Variants in CCZ1 observed in about 807,000 individuals in gnomAD.
CCZ1 encodes the protein vacuolar fusion protein CCZ1 homolog.
A neutral mutation model predicts 57.8 loss-of-function variants in CCZ1; 19 were observed. The observed-to-expected ratio is 0.33, with a 90% confidence interval of 0.23 to 0.48. CCZ1 has a LOEUF of 0.48. Among genes scored for constraint, CCZ1 ranks in the 20% least tolerant of loss-of-function variants. The pLI, the probability that CCZ1 is intolerant of heterozygous loss-of-function variation, is 0.99. For missense variants in CCZ1, 200 were observed against 492.0 expected (o/e 0.41, Z 5.61); for synonymous variants, 81 against 167.0 (o/e 0.49, Z 3.97).
chr7:5,907,919 A>G (rs559567725), intron 7 of CCZ1, among the ~76,000 whole-genome samples: 2 of 100,398 alleles, frequency 2.0e-5, no homozygotes, highest in East Asian at 9.4e-4. Context: ...CAGCATAGTG[A>G]GACTGTATCT....
Position 5,924,646 on chromosome 7 carries a change from A to G in CCZ1, c.1393+684A>G, listed in dbSNP as rs1779324055. The G allele has an allele frequency of 1.5e-5, 2 of 133,196 alleles. 1 individual carries two copies. Among genetic ancestry groups the G allele is most frequent in the South Asian group, 4.5e-4 (2 of 4,438 alleles). 8.3% of individuals were successfully genotyped at this position (133,196 alleles called of 1,614,324 possible). ...CCTCTGTACACAGGCAGAAGGAGGC[A>G]GACATTTTCTCCTGCCTTCCCGCCA... On this transcript the variant is annotated intron_variant, in intron 14 of 14. Coordinates refer to ENST00000325974, the MANE Select transcript of CCZ1 (RefSeq NM_015622.6).
intron 8 of CCZ1, 152 bp from the exon 9 acceptor site, chr7:5,911,709 C>G: frequency 7.5e-7 from 1 of 1,333,748 alleles, no homozygotes; most frequent in Non-Finnish European, 1.0e-6. Flanking sequence ...TCATGCTGCA[C>G]GCATTCCAGC....
Position 5,910,102 on chromosome 7 carries a change from C to T in CCZ1, c.766C>T (p.His256Tyr), listed in dbSNP as rs1372644241. ...KYLTTSLFPR[H>Y]IEPELAGRDS... ...CCTTACCACCTCCCTTTTTCCAAGG[C>T]ACATCGAACCTGAGGTATGATGGGT... The change falls in exon 8 of 15, where the codon CAC (histidine) becomes TAC (tyrosine). Residue 256 changes from histidine to tyrosine, a missense_variant. Coordinates refer to ENST00000325974, the MANE Select transcript of CCZ1 (RefSeq NM_015622.6). The T allele has an allele frequency of 6.4e-7, 1 of 1,568,768 alleles. No individual in the cohort carries two copies.
In CCZ1 at chr7:5,910,406, G is replaced by T. The variant is rs142342868; in HGVS notation, c.780+290G>T. On this transcript the variant is annotated intron_variant, in intron 8 of 14. Coordinates refer to ENST00000325974, the MANE Select transcript of CCZ1 (RefSeq NM_015622.6). Reference sequence around the variant, plus strand: ...TTTTGAGACGGAGTCTCGAACTTTCGCCTGGGATGGAGAGGTTCAAGCAAT... The same window carrying T: ...TTTTGAGACGGAGTCTCGAACTTTCTCCTGGGATGGAGAGGTTCAAGCAAT... Among the ~76,000 whole-genome samples, 10 of 147,054 alleles carry T rather than the reference G, an allele frequency of 6.8e-5. 1 individual carries two copies. Among genetic ancestry groups the T allele is most frequent in the African/African-American group, 2.3e-4 (9 of 39,688 alleles).
intron 7 of CCZ1, 70 bp from the exon 8 acceptor site, chr7:5,909,965 C>T: frequency 2.2e-6 from 3 of 1,392,160 alleles, no homozygotes; most frequent in Middle Eastern, 1.9e-4. Flanking sequence ...GTTTAATGAG[C>T]TTTATCACAG....
intron 6 of CCZ1, among the ~76,000 whole-genome samples, chr7:5,903,607 T>G (rs1231797244): frequency 1.5e-5 from 2 of 129,056 alleles, no homozygotes; most frequent in Non-Finnish European, 3.2e-5. Flanking sequence ...ATCTCCTGGT[T>G]TCTGTTCTTG....
In CCZ1 at chr7:5,901,653, G is replaced by A. The variant is rs890582511; in HGVS notation, c.391-4G>A. ...AGCTGTGTGCTGTGTTTTCGCGTCT[G>A]CAGGACAAGGTTTATAGCTCGGTGC... is the stretch of plus-strand genomic sequence containing the variant. On this transcript the variant is annotated splice_region_variant and splice_polypyrimidine_tract_variant and intron_variant, in intron 4 of 14. Coordinates refer to ENST00000325974, the MANE Select transcript of CCZ1 (RefSeq NM_015622.6). 4 of 1,596,054 alleles carry A rather than the reference G, an allele frequency of 2.5e-6. No homozygotes were observed. The African/African-American group carries it at 5.5e-5, about 22-fold the overall frequency.
chr7:5,910,706 T>TTTTATTTTTTTA (rs750179208), intron 8 of CCZ1, among the ~76,000 whole-genome samples: 1 of 123,688 alleles, frequency 8.1e-6, no homozygotes, highest in Non-Finnish European at 1.7e-5. Context: ...ATGTATTTTA[T>TTTTATTTTTTTA]TTTATTTATT....
At chr7:5,906,317 T>C (rs67891222) in intron 7 of CCZ1, among the ~76,000 whole-genome samples, 21,848 of 126,904 alleles carry the variant, frequency 0.17, 2,934 homozygotes, top group East Asian at 0.69. Flanking sequence ...CCCACTTTCT[T>C]TCTTTCTTTT....
chr7:5,899,290 A>G (rs896548290), intron 1 of CCZ1, among the ~76,000 whole-genome samples: 21 of 133,656 alleles, frequency 1.6e-4, no homozygotes, highest in African/African-American at 5.6e-4. Context: ...GGTCCCTGTA[A>G]TAGTTTTCGC....
At position 5,901,711 on chromosome 7, in the gene CCZ1, G is replaced by C; in HGVS notation, c.438+7G>C. On this transcript the variant is annotated splice_region_variant and intron_variant, in intron 5 of 14. Transcript: ENST00000325974. ...GTGCTACAGCATGTACAAGGTAAGCGTGGCGTTCTTTCTCAACTCAGAGTC... is the reference window on the plus strand; with the variant it reads ...GTGCTACAGCATGTACAAGGTAAGCCTGGCGTTCTTTCTCAACTCAGAGTC... 2 of 1,598,290 alleles carry C rather than the reference G, an allele frequency of 1.3e-6. No homozygotes were observed. The highest frequency in any genetic ancestry group is 1.7e-6 in the Non-Finnish European group (2 of 1,176,514).
At chr7:5,920,470 C>CTTTTTTTTTTTTTTTTTTTT (rs200899553) in intron 12 of CCZ1, among the ~76,000 whole-genome samples, 9 of 95,954 alleles carry the variant, frequency 9.4e-5, no homozygotes, top group African/African-American at 2.9e-4. Flanking sequence ...TTCTCCCTGG[C>CTTTTTTTTTTTTTTTTTTTT]TTTTTTTTTT....
chr7:5,911,695 A>G (rs1193628736), intron 8 of CCZ1, among the ~76,000 whole-genome samples, 166 bp from the exon 9 acceptor site: 1 of 149,580 alleles, frequency 6.7e-6, no homozygotes, highest in African/African-American at 2.5e-5. Flanking sequence ...GCAGTGAGCC[A>G]TGATCATGCT....
intron 7 of CCZ1, among the ~76,000 whole-genome samples, chr7:5,905,910 T>TC (rs1781804530): frequency 7.3e-6 from 1 of 137,044 alleles, no homozygotes; most frequent in African/African-American, 2.7e-5. Flanking sequence ...ACCTTTTTTT[T>TC]TTTTTTTCTT....
intron 8 of CCZ1, among the ~76,000 whole-genome samples, 199 bp from the exon 9 acceptor site, chr7:5,911,662 C>A (rs1476082290): frequency 1.3e-5 from 2 of 149,300 alleles, no homozygotes; most frequent in Non-Finnish European, 3.0e-5. Flanking sequence ...GGGAGGATTG[C>A]TTGAGCCTAG....
rs200242402 is a variant in CCZ1 at position 5,904,885 on chromosome 7, AT to A, written c.523-208del. Among the ~76,000 whole-genome samples the A allele has an allele frequency of 2.6e-3, 382 of 148,456 alleles. 21 individuals are homozygous for A. Among genetic ancestry groups the A allele is most frequent in the Non-Finnish European group, 1.9e-3 (129 of 67,818 alleles). The stretch of plus-strand genomic sequence containing the variant: ...AATACTGAATAAACATTAAGTAGAT[AT>A]GTTTGAACTTTGTATCTTGGAATTG... On this transcript the variant is annotated intron_variant, in intron 6 of 14. Transcript: ENST00000325974.
At chr7:5,908,057 A>T (rs1402373268) in intron 7 of CCZ1, among the ~76,000 whole-genome samples, 2 of 142,178 alleles carry the variant, frequency 1.4e-5, no homozygotes, top group Admixed American at 6.9e-5. Flanking sequence ...GCAGTGAGCT[A>T]TGATAGCACC....
At position 5,902,878 on chromosome 7, in the gene CCZ1, G is replaced by A. The variant is rs1199771219; in HGVS notation, c.522+134G>A. The A allele has an allele frequency of 3.2e-5, 37 of 1,141,014 alleles. 1 individual carries two copies. The highest frequency in any genetic ancestry group is 3.9e-5 in the Non-Finnish European group (33 of 846,712). 70.7% of individuals were successfully genotyped at this position (1,141,014 alleles called of 1,614,324 possible). Reference sequence around the variant, plus strand: ...AGTGGCAAAGAGCCTGAGACAGACCGTCGCAAAACTGGAGCAGCGAGGAAA... The same window carrying A: ...AGTGGCAAAGAGCCTGAGACAGACCATCGCAAAACTGGAGCAGCGAGGAAA... On this transcript the variant is annotated intron_variant, in intron 6 of 14. Coordinates refer to ENST00000325974, the MANE Select transcript of CCZ1 (RefSeq NM_015622.6).
intron 10 of CCZ1, 135 bp downstream of exon 10, chr7:5,913,089 C>G (rs2128613237): frequency 1.4e-6 from 1 of 736,046 alleles, no homozygotes; most frequent in African/African-American, 1.8e-5. Context: ...TGGTAAAACT[C>G]AAAATGGGTG....
Sources: allele counts gnomAD v4.1 joint callset (sites outside exome capture counted in the v4.1 genomes callset), GRCh38; gene constraint gnomAD v4.1.1; transcripts MANE v1.5; gene names NCBI Gene and HGNC (gene_info 2026-07-23, HGNC 2026-07-21).